NEMP2: variants seen among roughly 807,000 people sequenced by gnomAD.
NEMP2 encodes nuclear envelope integral membrane protein 2.
Under a neutral mutation model 54.2 loss-of-function variants are expected in NEMP2, and 53 were observed. The ratio of observed to expected loss-of-function variants is 0.98; its 90% confidence interval spans 0.78 to 1.23. The LOEUF is 1.23. Ranked by LOEUF, NEMP2 falls within the 50% of genes most tolerant of loss-of-function variation. NEMP2 has a pLI of 0.00. For missense variants in NEMP2, 455 were observed against 511.3 expected (o/e 0.89, Z 1.06); for synonymous variants, 197 against 190.3 (o/e 1.04, Z -0.29).
chr2:190,477,435 T>C, the NEMP2 span: 1 of 880,778 alleles, frequency 1.1e-6, no homozygotes, highest in Middle Eastern at 5.8e-4. Flanking sequence ...CATATAACTT[T>C]TTTATCCTTT....
chr2:190,429,667 A>G, the NEMP2 span, among the ~76,000 whole-genome samples: 3 of 152,150 alleles, frequency 2.0e-5, no homozygotes, highest in East Asian at 5.8e-4. Context: ...TTAATGTTTA[A>G]TATACTCTGT....
chr2:190,559,857 CGG>C, the NEMP2 span, among the ~76,000 whole-genome samples: 5 of 152,210 alleles, frequency 3.3e-5, no homozygotes, highest in African/African-American at 4.8e-5. This position sits in a 1 kb window ranked among gnomAD's most constrained non-coding sequence, Gnocchi z 4.0. Flanking sequence ...AGCTGGCACC[CGG>C]GAAATCTGTC....
the NEMP2 span, among the ~76,000 whole-genome samples, chr2:190,448,842 C>T: frequency 2.0e-5 from 3 of 152,156 alleles, no homozygotes; most frequent in Admixed American, 1.3e-4. Context: ...TAGACAGTCT[C>T]TACCTTTTTT....
the NEMP2 span, chr2:190,648,582 T>C: frequency 6.7e-6 from 1 of 150,234 alleles, no homozygotes; most frequent in Non-Finnish European, 1.5e-5. Context: ...GGGTGTGCTC[T>C]TTGAAATACT....
the NEMP2 span, among the ~76,000 whole-genome samples, chr2:190,572,833 G>GTTTATATATA: frequency 0.033 from 1,554 of 47,718 alleles, 329 homozygotes; most frequent in Admixed American, 0.042. Context: ...CTTTTCATGA[G>GTTTATATATA]TATATATATA....
the NEMP2 span, among the ~76,000 whole-genome samples, chr2:190,540,398 C>T: frequency 1.3e-5 from 2 of 152,042 alleles, no homozygotes; most frequent in Non-Finnish European, 2.9e-5. Flanking sequence ...ATCCTCCCGC[C>T]TCAGCCTCCT....
the NEMP2 span, among the ~76,000 whole-genome samples, chr2:190,449,780 C>T: frequency 7.9e-5 from 12 of 151,866 alleles, no homozygotes; most frequent in East Asian, 1.7e-3. Flanking sequence ...AACCAAACAC[C>T]GCATATTCTC....
At chr2:190,472,551 G>T in the NEMP2 span, among the ~76,000 whole-genome samples, 69 of 152,296 alleles carry the variant, frequency 4.5e-4, no homozygotes, top group African/African-American at 1.6e-3. Flanking sequence ...AGAATAAAAA[G>T]AAACGAACAA....
the NEMP2 span, among the ~76,000 whole-genome samples, chr2:190,429,071 A>T: frequency 1.3e-5 from 2 of 152,040 alleles, no homozygotes; most frequent in Non-Finnish European, 2.9e-5. Context: ...TCATCTTTTT[A>T]CATATTTATT....
At chr2:190,500,240 C>T (rs1310879421), downstream of NEMP2, 1 of 1,613,306 alleles carries the variant, frequency 6.2e-7, no homozygotes, top group South Asian at 1.1e-5. This position sits in a 1 kb window ranked among gnomAD's most constrained non-coding sequence, Gnocchi z 5.3. Context: ...TCATCTCACA[C>T]CCTGCATGGA....
In NEMP2 at chr2:190,528,528, C is replaced by G. The variant is rs963384565; in HGVS notation, c.98-3150G>C. On this transcript the variant is annotated intron_variant, in intron 1 of 8. Transcript: ENST00000409150. The surrounding 1 kb of genome is among the most constrained non-coding windows in gnomAD (Gnocchi z 4.3). ...GAGCATGAAGTCTCAGGTACACGGACCCAGCAGCCCAAACTATGATAATAA... is the reference window on the plus strand; with the variant it reads ...GAGCATGAAGTCTCAGGTACACGGAGCCAGCAGCCCAAACTATGATAATAA... Among the ~76,000 whole-genome samples the G allele has an allele frequency of 3.3e-5, 5 of 152,134 alleles. No individual in the cohort carries two copies. Among genetic ancestry groups the G allele is most frequent in the African/African-American group, 1.2e-4 (5 of 41,408 alleles).
chr2:190,540,552 A>T, the NEMP2 span, among the ~76,000 whole-genome samples: 1 of 152,070 alleles, frequency 6.6e-6, no homozygotes, highest in South Asian at 2.1e-4. Context: ...TGGCCTCCCA[A>T]CTTGCTGGGA....
the NEMP2 span, among the ~76,000 whole-genome samples, chr2:190,602,720 G>A: frequency 5.3e-5 from 8 of 152,310 alleles, no homozygotes; most frequent in East Asian, 1.5e-3. Flanking sequence ...GTGGCCAAGG[G>A]AGTGCAGTTT....
chr2:190,466,924 AG>A, the NEMP2 span, among the ~76,000 whole-genome samples: 5 of 152,190 alleles, frequency 3.3e-5, no homozygotes, highest in Admixed American at 3.3e-4. Context: ...ATCTGGGAAG[AG>A]GTTTGAAGGC....
the NEMP2 span, among the ~76,000 whole-genome samples, chr2:190,425,823 C>CT: frequency 6.6e-6 from 1 of 151,916 alleles, no homozygotes; most frequent in Non-Finnish European, 1.5e-5. This position sits in a 1 kb window ranked among gnomAD's most constrained non-coding sequence, Gnocchi z 4.3. Flanking sequence ...TTTGGACAGT[C>CT]TTTTTTTCTG....
At chr2:190,606,259 C>G in the NEMP2 span, among the ~76,000 whole-genome samples, 1 of 152,190 alleles carries the variant, frequency 6.6e-6, no homozygotes, top group South Asian at 2.1e-4. Context: ...GTCCTCTTCC[C>G]CAAATCAGGA....
At chr2:190,587,718 T>C in the NEMP2 span, among the ~76,000 whole-genome samples, 1 of 152,186 alleles carries the variant, frequency 6.6e-6, no homozygotes. This position sits in a 1 kb window ranked among gnomAD's most constrained non-coding sequence, Gnocchi z 5.4. Flanking sequence ...TCCTCTACTT[T>C]ACTGCTATTG....
the NEMP2 span, among the ~76,000 whole-genome samples, chr2:190,645,159 A>G: frequency 6.6e-6 from 1 of 152,214 alleles, no homozygotes; most frequent in African/African-American, 2.4e-5. Flanking sequence ...AGACATCAGA[A>G]GTAGCTCTGT....
chr2:190,537,804 T>C (rs1691425171), upstream of NEMP2, among the ~76,000 whole-genome samples: 1 of 152,158 alleles, frequency 6.6e-6, no homozygotes, highest in Non-Finnish European at 1.5e-5. Flanking sequence ...TGAATGTTAA[T>C]CAACAAAACT....
Sources: allele counts gnomAD v4.1 joint callset (sites outside exome capture counted in the v4.1 genomes callset), GRCh38; gene constraint gnomAD v4.1.1; non-coding constraint Gnocchi (gnomAD v3.1); transcripts MANE v1.5; gene names NCBI Gene and HGNC (gene_info 2026-07-23, HGNC 2026-07-21).